Variants in PCDHA1 observed in about 807,000 individuals in gnomAD.
PCDHA1 encodes the protein protocadherin alpha 1.
Under a neutral mutation model 61.3 loss-of-function variants are expected in PCDHA1, and 42 were observed. That is an observed-to-expected ratio of 0.69 (90% CI 0.54 to 0.89). PCDHA1 has a LOEUF of 0.89. Among genes scored for constraint, PCDHA1 ranks in the 40% least tolerant of loss-of-function variants. PCDHA1 has a pLI of 0.00. For synonymous variants in PCDHA1, 610 were observed against 553.8 expected (o/e 1.10, Z -1.43); for missense variants, 1,256 against 1,235.3 (o/e 1.02, Z -0.25).
In PCDHA1 at chr5:140,967,909, C is replaced by T. The variant is rs140881563; in HGVS notation, c.2395-11040C>T. The T allele has an allele frequency of 5.0e-5, 81 of 1,614,206 alleles. No individual in the cohort carries two copies. In the African/African-American group the frequency reaches 9.1e-4, roughly 18 times the overall value. ...CAGTGCCTGAGAATGCTACACCCAACACCATTGTGGCCGTTCTCAGTGTCA... is the reference window on the plus strand; with the variant it reads ...CAGTGCCTGAGAATGCTACACCCAATACCATTGTGGCCGTTCTCAGTGTCA... On this transcript the variant is annotated intron_variant, in intron 1 of 3. Coordinates refer to ENST00000504120, the MANE Select transcript of PCDHA1 (RefSeq NM_018900.4).
intron 1 of PCDHA1, chr5:140,828,729 C>T (rs1554131485): frequency 2.5e-6 from 4 of 1,614,254 alleles, no homozygotes; most frequent in Non-Finnish European, 3.4e-6. Flanking sequence ...TTATTCCTGA[C>T]AGCCACAGAT....
intron 1 of PCDHA1, among the ~76,000 whole-genome samples, chr5:140,962,298 A>T (rs2095671297): frequency 6.6e-6 from 1 of 152,204 alleles, no homozygotes; most frequent in South Asian, 2.1e-4. Context: ...ATATTCTATG[A>T]TTCTTGTTAG....
rs782295263 is a variant in PCDHA1, at chr5:140,801,949, T to C, written c.2394+13265T>C. ...GAGAGGACGATCTATAAAGTCAGAT[T>C]ACTCGAAAATGCACCAAATGGTACC... On this transcript the variant is annotated intron_variant, in intron 1 of 3. Transcript: ENST00000504120. 2.5e-6 allele frequency: 4 copies of C among 1,614,048 alleles called. No individual in the cohort carries two copies. Among genetic ancestry groups the C allele is most frequent in the East Asian group, 2.2e-5 (1 of 44,896 alleles).
At chr5:140,811,875 G>A (rs2126632591) in intron 1 of PCDHA1, 88,460 of 151,964 alleles carry the variant, frequency 0.58, 26,461 homozygotes, top group African/African-American at 0.72. Flanking sequence ...AATGTGTTTA[G>A]GTTCTTTGTA....
intron 1 of PCDHA1, chr5:140,796,026 T>G: frequency 6.2e-7 from 1 of 1,614,144 alleles, no homozygotes; most frequent in Non-Finnish European, 8.5e-7. Flanking sequence ...CAATAACGTC[T>G]CTCTCACTTC....
chr5:140,788,747 T>G, intron 1 of PCDHA1, 63 bp downstream of exon 1: 1 of 1,477,716 alleles, frequency 6.8e-7, no homozygotes, highest in East Asian at 2.3e-5. Context: ...CTAATCATCT[T>G]TTCAAATATC....
intron 1 of PCDHA1, among the ~76,000 whole-genome samples, chr5:140,871,854 A>C (rs1271399215): frequency 6.6e-6 from 1 of 152,254 alleles, no homozygotes; most frequent in African/African-American, 2.4e-5. Context: ...TATGACCATA[A>C]TAACTATGGA....
At chr5:140,944,053 A>G (rs246065) in intron 1 of PCDHA1, among the ~76,000 whole-genome samples, 85,768 of 152,016 alleles carry the variant, frequency 0.56, 24,809 homozygotes, top group African/African-American at 0.69. Context: ...TTGGGATACA[A>G]AAAGGTTTCT....
At chr5:140,939,253 G>C (rs1399135372) in intron 1 of PCDHA1, among the ~76,000 whole-genome samples, 2 of 152,060 alleles carry the variant, frequency 1.3e-5, no homozygotes, top group African/African-American at 4.8e-5. Context: ...TAGCTCTCTG[G>C]AACCTCTTTT....
chr5:140,886,413 C>T (rs1465937681), intron 1 of PCDHA1, among the ~76,000 whole-genome samples: 1 of 152,042 alleles, frequency 6.6e-6, no homozygotes, highest in Non-Finnish European at 1.5e-5. Flanking sequence ...ATGTTTTCCT[C>T]CTATATTATT....
intron 1 of PCDHA1, among the ~76,000 whole-genome samples, chr5:140,893,065 A>G (rs2063802609): frequency 6.6e-6 from 1 of 152,226 alleles, no homozygotes; most frequent in South Asian, 2.1e-4. Context: ...TACTGCCATG[A>G]ATAACAGGAT....
intron 1 of PCDHA1, among the ~76,000 whole-genome samples, chr5:140,840,932 A>G (rs1391347019): frequency 1.3e-5 from 2 of 152,030 alleles, no homozygotes; most frequent in African/African-American, 2.4e-5. Flanking sequence ...AATTGATACG[A>G]TATTTGAAAT....
chr5:140,889,760 A>T (rs1228592233), intron 1 of PCDHA1, among the ~76,000 whole-genome samples: 1 of 152,158 alleles, frequency 6.6e-6, no homozygotes, highest in Admixed American at 6.5e-5. Flanking sequence ...CTTTCCTTGA[A>T]CTTTGACTGG....
At chr5:140,861,404 G>A in intron 1 of PCDHA1, 2 of 468,962 alleles carry the variant, frequency 4.3e-6, no homozygotes, top group East Asian at 5.7e-5. Flanking sequence ...AGCTTGTGGA[G>A]CTGATACCGC....
intron 1 of PCDHA1, among the ~76,000 whole-genome samples, chr5:140,898,149 C>T (rs552851488): frequency 4.6e-4 from 70 of 152,244 alleles, no homozygotes; most frequent in African/African-American, 1.6e-3. Flanking sequence ...TGCCTGTTCA[C>T]GCTGATGGTG....
chr5:140,824,265 A>T lies in PCDHA1; in HGVS notation c.2394+35581A>T, dbSNP rs2150133778. The T allele has an allele frequency of 3.7e-5, 46 of 1,252,254 alleles. No individual in the cohort carries two copies. In the Admixed American group the frequency reaches 7.8e-4, roughly 21 times the overall value. The allele number at this position is 1,252,254 out of a possible 1,614,324, so 77.6% of individuals were successfully genotyped here. On this transcript the variant is annotated intron_variant, in intron 1 of 3. Transcript: ENST00000504120. ...TGGTACACAATTATTGCACTAATTC[A>T]TGTATTATATGCTTTTTATGAGGCT... is the stretch of plus-strand genomic sequence containing the variant.
chr5:140,850,192 T>C lies in PCDHA1; in HGVS notation c.2394+61508T>C. 1.3e-6 allele frequency: 2 copies of C among 1,593,512 alleles called. 1 individual carries two copies. The highest frequency in any genetic ancestry group is 1.7e-6 in the Non-Finnish European group (2 of 1,167,634). On this transcript the variant is annotated intron_variant, in intron 1 of 3. Transcript: ENST00000504120. ...GAGAACGACAATGCGCCGGCGCTGC[T>C]GACACCTCGGATGAGGGGCACTGAC...
chr5:140,841,711 G>T (rs1385576183), intron 1 of PCDHA1: 3 of 1,613,772 alleles, frequency 1.9e-6, no homozygotes, highest in South Asian at 1.1e-5. Context: ...ATGACAACCC[G>T]CCAGTGTTCC....
At chr5:140,830,577 TTTAA>T (rs1269425554) in intron 1 of PCDHA1, 10 of 821,780 alleles carry the variant, frequency 1.2e-5, no homozygotes, top group Non-Finnish European at 1.7e-5. Flanking sequence ...GTTTTTAATT[TTTAA>T]TTAATTTTAC....
Sources: gnomAD v4.1 joint callset for allele counts (sites outside exome capture counted in the v4.1 genomes callset) on GRCh38, gnomAD v4.1.1 for gene constraint, MANE v1.5 for transcripts, NCBI Gene and HGNC (gene_info 2026-07-23, HGNC 2026-07-21) for gene names.